Variants in AAK1 observed in about 807,000 individuals in gnomAD.
AAK1 encodes the protein AP2-associated protein kinase 1.
Under a neutral mutation model 116.0 loss-of-function variants are expected in AAK1, and 37 were observed. The ratio of observed to expected loss-of-function variants is 0.32; its 90% CI spans 0.25 to 0.42. The LOEUF (loss-of-function observed/expected upper bound fraction) is 0.42, where lower values mean the gene tolerates loss of function less well. AAK1 is among the 10% of genes least tolerant of loss of function. The pLI, the probability that AAK1 is intolerant of heterozygous loss-of-function variation, is 1.00. For missense variants in AAK1, 919 were observed against 1,170.6 expected (o/e 0.79, Z 3.14); for synonymous variants, 458 against 439.9 (o/e 1.04, Z -0.51).
chr2:69,554,203 G>A (rs962895668), intron 3 of AAK1, among the ~76,000 whole-genome samples: 1 of 152,142 alleles, frequency 6.6e-6, no homozygotes, highest in Non-Finnish European at 1.5e-5. Flanking sequence ...AGATTCGACT[G>A]TAAATTAGTC....
At chr2:69,613,143 G>T (rs1674161944) in intron 2 of AAK1, among the ~76,000 whole-genome samples, 1 of 152,182 alleles carries the variant, frequency 6.6e-6, no homozygotes, top group African/African-American at 2.4e-5. Context: ...CACAGGCTTT[G>T]TGCAATCCCA....
At chr2:69,574,657 T>C (rs1672227830) in intron 2 of AAK1, among the ~76,000 whole-genome samples, 1 of 151,978 alleles carries the variant, frequency 6.6e-6, no homozygotes, top group East Asian at 1.9e-4. Flanking sequence ...GAACATTCTA[T>C]AGCTAGTAAA....
chr2:69,464,339 C>A lies in AAK1; in HGVS notation c.*11530G>T, dbSNP rs1674420445. 2.6e-5 allele frequency: 4 copies of A among 152,152 alleles called. No homozygotes were observed. The allele number at this position is 152,152 out of a possible 1,614,324, so 9.4% of individuals were successfully genotyped here. On this transcript the variant is annotated 3_prime_UTR_variant, in exon 22 of 22. Coordinates refer to ENST00000409085, the MANE Select transcript of AAK1 (RefSeq NM_014911.5). The stretch of plus-strand genomic sequence containing the variant: ...GAGGCCGGAACTGTAACAAGGTGCT[C>A]TTTTCTAGTGTTGTAAGGGGAAAAT...
chr2:69,527,323 A>T lies in AAK1; in HGVS notation c.872-4T>A. On this transcript the variant is annotated splice_region_variant and splice_polypyrimidine_tract_variant and intron_variant, in intron 8 of 21. Coordinates refer to ENST00000409085, the MANE Select transcript of AAK1 (RefSeq NM_014911.5). ...GGGTCTGGTTCCAACATATACCCTA[A>T]GGCAAACATGTGAATTTATTTAATA... 1 of 1,559,500 alleles carries T rather than the reference A, an allele frequency of 6.4e-7. No homozygotes were observed. The highest frequency in any genetic ancestry group is 8.8e-7 in the Non-Finnish European group (1 of 1,136,166).
chr2:69,590,291 G>A (rs1437518002), intron 2 of AAK1, among the ~76,000 whole-genome samples: 1 of 152,168 alleles, frequency 6.6e-6, no homozygotes, highest in Non-Finnish European at 1.5e-5. Flanking sequence ...CTTTTCGTTG[G>A]TATTTTATCA....
At chr2:69,622,266 C>G (rs531255074) in intron 2 of AAK1, among the ~76,000 whole-genome samples, 2 of 152,210 alleles carry the variant, frequency 1.3e-5, no homozygotes, top group South Asian at 2.1e-4. Context: ...GCTGCCTCCC[C>G]GCGGGGCAGG....
Position 69,542,668 on chromosome 2 carries a change from G to C in AAK1, c.392-3C>G, listed in dbSNP as rs1227221411. ...CATCAGGTTTACCACCTGGCCACCTGAGGGGGTACGTACAGGGCAAAGGAG... is the reference window on the plus strand; with the variant it reads ...CATCAGGTTTACCACCTGGCCACCTCAGGGGGTACGTACAGGGCAAAGGAG... On this transcript the variant is annotated splice_region_variant and splice_polypyrimidine_tract_variant and intron_variant, in intron 4 of 21. Coordinates refer to ENST00000409085, the MANE Select transcript of AAK1 (RefSeq NM_014911.5). The C allele has an allele frequency of 6.2e-7, 1 of 1,613,582 alleles. No homozygotes were observed. The highest frequency in any genetic ancestry group is 1.7e-5 in the Admixed American group (1 of 60,022).
At chr2:69,496,167 C>T in intron 16 of AAK1, 87 bp from the exon 17 acceptor site, 1 of 919,776 alleles carries the variant, frequency 1.1e-6, no homozygotes. Flanking sequence ...TAAGTTTACC[C>T]TCTATTAATG....
At chr2:69,637,136 T>C (rs905542151) in intron 2 of AAK1, among the ~76,000 whole-genome samples, 2 of 152,230 alleles carry the variant, frequency 1.3e-5, no homozygotes, top group African/African-American at 4.8e-5. Flanking sequence ...TGCTTTTGTG[T>C]CTTTGGCCAT....
Position 69,475,874 on chromosome 2 carries a change from G to A in AAK1, c.2881C>T (p.Leu961=), listed in dbSNP as rs375315985. 8.7e-6 allele frequency: 14 copies of A among 1,611,112 alleles called. No homozygotes were observed. Among genetic ancestry groups the A allele is most frequent in the South Asian group, 1.1e-5 (1 of 90,332 alleles). The part of the protein sequence containing the change: ...SLLLVDQLID[L] ...CATCTGCTACTGGGTCACGGCTACA[G>A]GTCTATGAGCTGATCCACCAGCAGT... The change falls in exon 22 of 22, where the codon CTG becomes TTG. Residue 961 remains leucine, a synonymous_variant. Transcript: ENST00000409085.
chr2:69,595,814 AGAG>A lies in AAK1; in HGVS notation c.164-38839_164-38837del, dbSNP rs1274280041. 7.2e-5 allele frequency among the ~76,000 whole-genome samples: 11 copies of A among 152,232 alleles called. 1 individual carries two copies. Among genetic ancestry groups the A allele is most frequent in the Admixed American group, 3.3e-4 (5 of 15,288 alleles). On this transcript the variant is annotated intron_variant, in intron 2 of 21. Coordinates refer to ENST00000409085, the MANE Select transcript of AAK1 (RefSeq NM_014911.5). ...TGCCATCTAAGACTTTCATAGCTAG[AGAG>A]GAGAAGTCAGTGCCTGGCTTCAAAC...
chr2:69,544,801 C>T (rs1316880787), intron 3 of AAK1, among the ~76,000 whole-genome samples: 3 of 152,156 alleles, frequency 2.0e-5, no homozygotes, highest in Non-Finnish European at 4.4e-5. Context: ...GCACAGAGTG[C>T]CTACTTGCTT....
Position 69,482,718 on chromosome 2 carries a change from A to G in AAK1, c.2460T>C (p.Ala820=), listed in dbSNP as rs369650343. ...CAGAGATGATGACTTTACCAATTAC[A>G]GCATCAGAAGTGCTACCAAAAGGAT... ...MTDPFGSTSD[A]VIEKADVAVE... Residue 820 remains alanine (A), a synonymous_variant, in exon 18 of 22, where the codon GCT becomes GCC. Coordinates refer to ENST00000409085, the MANE Select transcript of AAK1 (RefSeq NM_014911.5). The G allele has an allele frequency of 8.5e-5, 136 of 1,606,596 alleles. No homozygotes were observed. Among genetic ancestry groups the G allele is most frequent in the Non-Finnish European group, 1.1e-4 (126 of 1,173,250 alleles).
rs565212360 is a variant in AAK1 at position 69,592,625 on chromosome 2, C to T, written c.164-35647G>A. ...TTCCTCATTAAAATGTGAAACTTCTCTGTGGCAAATAAAACAAAACCCACA... is the reference window on the plus strand; with the variant it reads ...TTCCTCATTAAAATGTGAAACTTCTTTGTGGCAAATAAAACAAAACCCACA... On this transcript the variant is annotated intron_variant, in intron 2 of 21. Transcript: ENST00000409085. Among the ~76,000 whole-genome samples the T allele has an allele frequency of 2.0e-5, 3 of 152,220 alleles. No homozygotes were observed. The South Asian group carries it at 6.2e-4, about 32-fold the overall frequency.
intron 10 of AAK1, among the ~76,000 whole-genome samples, chr2:69,521,328 C>T (rs148483508): frequency 5.7e-4 from 87 of 152,176 alleles, no homozygotes; most frequent in African/African-American, 2.0e-3. Context: ...GGCGCTTTTA[C>T]CTAGTACCTC....
rs765869274 is a variant in AAK1, at chr2:69,480,866, G to A, written c.2563C>T (p.Arg855Cys). The A allele has an allele frequency of 9.4e-6, 15 of 1,594,172 alleles. No individual in the cohort carries two copies. The Middle Eastern group carries it at 4.9e-4, about 53-fold the overall frequency. Residue 855 changes from arginine (R) to cysteine (C), a missense_variant, in exon 19 of 22, where the codon CGC (arginine) becomes TGC (cysteine). Around this residue, in one of 4 missense-constraint regions of AAK1, gnomAD observed 263 missense variants for 285.5 expected, o/e 0.92. Coordinates refer to ENST00000409085, the MANE Select transcript of AAK1 (RefSeq NM_014911.5). ...GCAGAGACACCTGACTGACCTGTGC[G>A]ATTCGAGGTCACAGATTCCGTCTGA... ...PSQTESVTSN[R>C]TDSLTGEDSL...
At chr2:69,579,200 C>G (rs1165939913) in intron 2 of AAK1, among the ~76,000 whole-genome samples, 2 of 152,206 alleles carry the variant, frequency 1.3e-5, no homozygotes, top group Non-Finnish European at 2.9e-5. Flanking sequence ...GGCCCAGGAC[C>G]TCTCTGTGGC....
chr2:69,520,440 C>T (rs1412858864), intron 11 of AAK1, among the ~76,000 whole-genome samples: 2 of 150,034 alleles, frequency 1.3e-5, no homozygotes, highest in African/African-American at 4.9e-5. Flanking sequence ...CTCACTGCAA[C>T]CTCTGCCTCC....
In AAK1 at chr2:69,527,393, C is replaced by T. The variant is rs539537021; in HGVS notation, c.872-74G>A. The T allele has an allele frequency of 4.1e-6, 4 of 970,316 alleles. No individual in the cohort carries two copies. The East Asian group carries it at 1.0e-4, about 25-fold the overall frequency. The allele number at this position is 970,316 out of a possible 1,614,324, so 60.1% of individuals were successfully genotyped here. ...ACTAGCTAGGAAGCATCATTCCTCTCTCTACTCCCAATGTTTTGTTTTTAA... is the reference window on the plus strand; with the variant it reads ...ACTAGCTAGGAAGCATCATTCCTCTTTCTACTCCCAATGTTTTGTTTTTAA... On this transcript the variant is annotated intron_variant, in intron 8 of 21. Coordinates refer to ENST00000409085, the MANE Select transcript of AAK1 (RefSeq NM_014911.5).
Sources: allele counts gnomAD v4.1 joint callset (sites outside exome capture counted in the v4.1 genomes callset), GRCh38; gene constraint gnomAD v4.1.1; regional missense constraint gnomAD v4.1.1; transcripts MANE v1.5; gene names NCBI Gene and HGNC (gene_info 2026-07-23, HGNC 2026-07-21).